Variants in PLD5 observed in about 807,000 individuals in gnomAD.
PLD5 encodes phospholipase D family member 5, also known as inactive phospholipase D5.
PLD5 carries 36 observed loss-of-function variants against 61.1 expected under a neutral mutation model. That is an observed-to-expected ratio of 0.59 (90% confidence interval 0.45 to 0.78). The LOEUF is 0.78. Ranked by LOEUF, PLD5 falls within the 30% of genes least tolerant of loss-of-function variation. The probability of loss-of-function intolerance (pLI) is 0.00; values close to 1 mark genes in which losing one functional copy is unlikely to be tolerated. For missense variants in PLD5, 515 were observed against 644.4 expected, an observed-to-expected ratio of 0.80 and a Z score of 2.17; for synonymous variants, 243 against 242.8, an observed-to-expected ratio of 1.00 and a Z score of -0.01.
At chr1:242,327,783 C>T (rs570686100) in intron 2 of PLD5, among the ~76,000 whole-genome samples, 1 of 152,256 alleles carries the variant, frequency 6.6e-6, no homozygotes, top group South Asian at 2.1e-4. Flanking sequence ...GAAGAATAAC[C>T]ATCTTGATAT....
At chr1:242,140,464 C>A (rs1163684134) in intron 5 of PLD5, among the ~76,000 whole-genome samples, 1 of 152,080 alleles carries the variant, frequency 6.6e-6, no homozygotes, top group South Asian at 2.1e-4. Context: ...GGTTTAGTAG[C>A]CTTCTCTACT....
chr1:242,211,779 T>C (rs1287081703), intron 5 of PLD5, among the ~76,000 whole-genome samples: 1 of 152,174 alleles, frequency 6.6e-6, no homozygotes, highest in Non-Finnish European at 1.5e-5. Context: ...CTGCTCAGGA[T>C]TTCCAAGTTC....
intron 1 of PLD5, among the ~76,000 whole-genome samples, chr1:242,482,065 C>A (rs988451385): frequency 9.2e-5 from 14 of 152,144 alleles, no homozygotes; most frequent in African/African-American, 3.4e-4. Context: ...CTGTATGTCA[C>A]CATCATCAAA....
At chr1:242,136,072 C>G (rs528127154) in intron 5 of PLD5, among the ~76,000 whole-genome samples, 1 of 152,292 alleles carries the variant, frequency 6.6e-6, no homozygotes, top group Admixed American at 6.5e-5. Context: ...TCCGTGGGGA[C>G]ATACACAACC....
intron 2 of PLD5, among the ~76,000 whole-genome samples, chr1:242,336,803 T>C (rs1215817984): frequency 1.3e-5 from 2 of 152,126 alleles, no homozygotes; most frequent in Non-Finnish European, 2.9e-5. Context: ...CTTGGAAATA[T>C]GGATGTAATA....
chr1:242,286,792 T>C (rs1249455404), intron 3 of PLD5, among the ~76,000 whole-genome samples: 1 of 152,204 alleles, frequency 6.6e-6, no homozygotes, highest in African/African-American at 2.4e-5. Flanking sequence ...AATTTCTAGA[T>C]CTAGCCAAAG....
chr1:242,154,775 T>A (rs772764836), intron 5 of PLD5, among the ~76,000 whole-genome samples: 4 of 152,192 alleles, frequency 2.6e-5, no homozygotes, highest in Admixed American at 6.5e-5. Context: ...TTCACCTCGA[T>A]GTTCATCAGT....
chr1:242,212,598 G>A (rs892595518), intron 5 of PLD5, among the ~76,000 whole-genome samples: 3 of 152,142 alleles, frequency 2.0e-5, no homozygotes, highest in Admixed American at 6.5e-5. Flanking sequence ...GCAGCAGGCA[G>A]CAGCCGCCAG....
At position 242,217,210 on chromosome 1, in the gene PLD5, T is replaced by C. The variant is rs549618550; in HGVS notation, c.735+2778A>G. 2.6e-5 allele frequency among the ~76,000 whole-genome samples: 4 copies of C among 152,336 alleles called. No individual in the cohort carries two copies. The South Asian group carries it at 8.3e-4, about 32-fold the overall frequency. ...GCAGCCCAGGGATCAAGGAGTAATT[T>C]CTACTTTCAAGTCTTTTGGAAGGCT... On this transcript the variant is annotated intron_variant, in intron 5 of 9. Coordinates refer to ENST00000536534, the MANE Select transcript of PLD5 (RefSeq NM_001372062.1).
chr1:242,337,708 T>C (rs1184361577), intron 2 of PLD5, among the ~76,000 whole-genome samples: 1 of 152,194 alleles, frequency 6.6e-6, no homozygotes, highest in Non-Finnish European at 1.5e-5. Flanking sequence ...ACATGAATTA[T>C]CTTATTTCTG....
At chr1:242,426,922 T>A (rs1054992408) in intron 1 of PLD5, among the ~76,000 whole-genome samples, 1 of 152,124 alleles carries the variant, frequency 6.6e-6, no homozygotes, top group African/African-American at 2.4e-5. Flanking sequence ...TAAGAACTTT[T>A]CCATGCCCAA....
intron 1 of PLD5, among the ~76,000 whole-genome samples, chr1:242,456,972 A>G (rs1414558921): frequency 3.9e-5 from 6 of 152,230 alleles, no homozygotes; most frequent in African/African-American, 1.2e-4. Flanking sequence ...AATCTCTATG[A>G]TAAAACATGA....
intron 2 of PLD5, among the ~76,000 whole-genome samples, chr1:242,295,293 C>T (rs1046933610): frequency 6.6e-6 from 1 of 152,144 alleles, no homozygotes; most frequent in Non-Finnish European, 1.5e-5. Flanking sequence ...CTTCTCCTCT[C>T]CTCCCTTTTG....
intron 7 of PLD5, among the ~76,000 whole-genome samples, chr1:242,113,202 G>A (rs568647139): frequency 5.4e-5 from 8 of 147,080 alleles, no homozygotes; most frequent in Admixed American, 2.8e-4. Context: ...CCATTCTCCC[G>A]CCTCAGCCTC....
At chr1:242,449,355 A>G (rs1352488235) in intron 1 of PLD5, 1 of 1,536,132 alleles carries the variant, frequency 6.5e-7, no homozygotes, top group Non-Finnish European at 8.7e-7. Context: ...GTTTCTTACC[A>G]TTGCGACCAA....
intron 5 of PLD5, chr1:242,177,612 A>G (rs777674621): frequency 1.3e-5 from 2 of 152,194 alleles, no homozygotes; most frequent in Non-Finnish European, 2.9e-5. Context: ...AATTCCAGGT[A>G]AATGCTTTTA....
At chr1:242,472,876 G>A (rs773092998) in intron 1 of PLD5, among the ~76,000 whole-genome samples, 12 of 152,104 alleles carry the variant, frequency 7.9e-5, no homozygotes, top group South Asian at 2.1e-4. Context: ...AGGTGTGACC[G>A]CTTCTTAAAT....
intron 1 of PLD5, among the ~76,000 whole-genome samples, chr1:242,516,335 C>G (rs1503798): frequency 0.43 from 64,077 of 149,022 alleles, 14,643 homozygotes; most frequent in African/African-American, 0.59. Flanking sequence ...ATATTTTATA[C>G]ACAAAAGCAC....
intron 5 of PLD5, among the ~76,000 whole-genome samples, chr1:242,141,588 A>G (rs1469629980): frequency 6.6e-6 from 1 of 152,146 alleles, no homozygotes; most frequent in Non-Finnish European, 1.5e-5. Context: ...GGATATTTTC[A>G]GAATGTGTTT....
Sources: gnomAD v4.1 joint callset for allele counts (sites outside exome capture counted in the v4.1 genomes callset) on GRCh38, gnomAD v4.1.1 for gene constraint, MANE v1.5 for transcripts, NCBI Gene and HGNC (gene_info 2026-07-23, HGNC 2026-07-21) for gene names.